CHN2: variants seen among roughly 807,000 people sequenced by gnomAD.
The protein encoded by CHN2 is chimerin 2.
Under a neutral mutation model 56.3 loss-of-function variants are expected in CHN2, and 35 were observed. The ratio of observed to expected loss-of-function variants is 0.62; its 90% CI spans 0.47 to 0.82. CHN2 has a LOEUF of 0.82. CHN2 is among the 40% of genes least tolerant of loss of function. The probability of loss-of-function intolerance (pLI) is 0.00; values close to 1 mark genes in which losing one functional copy is unlikely to be tolerated. For synonymous variants in CHN2, 210 were observed against 212.8 expected (o/e 0.99, Z 0.12); for missense variants, 491 against 580.5 (o/e 0.85, Z 1.58).
At chr7:29,464,353 G>A (rs1466410353) in intron 6 of CHN2, among the ~76,000 whole-genome samples, 1 of 152,126 alleles carries the variant, frequency 6.6e-6, no homozygotes, top group Admixed American at 6.5e-5. Context: ...CCAAGAAAGT[G>A]ATATATGTTG....
At chr7:29,174,621 G>C (rs978710524) in intron 2 of CHN2, among the ~76,000 whole-genome samples, 2 of 152,190 alleles carry the variant, frequency 1.3e-5, no homozygotes, top group East Asian at 3.9e-4. Context: ...AGCACTTTGG[G>C]AGGCCGACTT....
chr7:29,390,630 T>C (rs1585237950), intron 3 of CHN2, among the ~76,000 whole-genome samples: 1 of 152,250 alleles, frequency 6.6e-6, no homozygotes, highest in Non-Finnish European at 1.5e-5. Flanking sequence ...AACTATCCTG[T>C]CGCCTTCACA....
intron 3 of CHN2, among the ~76,000 whole-genome samples, chr7:29,385,613 C>T (rs745981794): frequency 4.6e-5 from 7 of 152,118 alleles, no homozygotes; most frequent in Non-Finnish European, 8.8e-5. Flanking sequence ...GGTTTGACCA[C>T]GTGGCACTGG....
chr7:29,460,911 A>G (rs530636604), intron 6 of CHN2, among the ~76,000 whole-genome samples: 1 of 152,226 alleles, frequency 6.6e-6, no homozygotes, highest in Non-Finnish European at 1.5e-5. Context: ...CAGTTTCCTC[A>G]TCTGTAAGAT....
At chr7:29,374,887 CTCTT>C (rs1347193183) in intron 3 of CHN2, among the ~76,000 whole-genome samples, 34 of 143,598 alleles carry the variant, frequency 2.4e-4, no homozygotes, top group African/African-American at 8.7e-4. Context: ...CTCCCTTTCT[CTCTT>C]TCTTTTTTTT....
At position 29,477,971 on chromosome 7, in the gene CHN2, A is replaced by G. The variant is rs2128538172; in HGVS notation, c.577-2308A>G. 1.3e-5 allele frequency among the ~76,000 whole-genome samples: 2 copies of G among 152,342 alleles called. 1 individual carries two copies. Among genetic ancestry groups the G allele is most frequent in the South Asian group, 4.1e-4 (2 of 4,824 alleles). On this transcript the variant is annotated intron_variant, in intron 6 of 12. Transcript: ENST00000222792. ...AGGGGGAAACAAAAGCAAATTAAGC[A>G]TAGAGCATGTCACAGTGAGTTCTCA...
intron 1 of CHN2, among the ~76,000 whole-genome samples, chr7:29,321,721 C>A (rs1795377230): frequency 6.6e-6 from 1 of 152,046 alleles, no homozygotes; most frequent in Non-Finnish European, 1.5e-5. Context: ...CAGGCATGCA[C>A]CACCATGCCA....
intron 1 of CHN2, among the ~76,000 whole-genome samples, chr7:29,302,112 C>T (rs924907300): frequency 1.3e-5 from 2 of 152,208 alleles, no homozygotes; most frequent in Admixed American, 1.3e-4. Flanking sequence ...TGACCCGTGG[C>T]TGTCTCTCTC....
chr7:29,513,047 C>G lies in CHN2; in HGVS notation c.*312C>G, dbSNP rs1409495676. On this transcript the variant is annotated 3_prime_UTR_variant, in exon 13 of 13. Coordinates refer to ENST00000222792, the MANE Select transcript of CHN2 (RefSeq NM_004067.4). Reference sequence around the variant, plus strand: ...ACAATGTAGACCTTTAAACTTCAGTCTTATTGGTAATAAAAGGGAACTTAA... The same window carrying G: ...ACAATGTAGACCTTTAAACTTCAGTGTTATTGGTAATAAAAGGGAACTTAA... The G allele has an allele frequency of 4.7e-6, 1 of 212,606 alleles. No individual in the cohort carries two copies. The highest frequency in any genetic ancestry group is 9.3e-6 in the Non-Finnish European group (1 of 107,970). The allele number at this position is 212,606 out of a possible 1,614,324, so 13.2% of individuals were successfully genotyped here. A position where few individuals can be genotyped will look rare whatever the true frequency, so the allele number is the denominator to read the frequency against.
chr7:29,410,109 C>T (rs1803060904), intron 6 of CHN2, among the ~76,000 whole-genome samples: 1 of 152,204 alleles, frequency 6.6e-6, no homozygotes, highest in Non-Finnish European at 1.5e-5. Context: ...AGGGATCCCT[C>T]TGGGGTTGTT....
intron 2 of CHN2, among the ~76,000 whole-genome samples, chr7:29,365,092 A>G (rs1473975144): frequency 1.3e-5 from 2 of 152,218 alleles, no homozygotes; most frequent in Non-Finnish European, 2.9e-5. Flanking sequence ...TCCTCATTAC[A>G]GGGGCATGGT....
intron 2 of CHN2, among the ~76,000 whole-genome samples, chr7:29,174,086 G>C (rs868285633): frequency 6.6e-6 from 1 of 152,288 alleles, no homozygotes; most frequent in Middle Eastern, 3.4e-3. Flanking sequence ...ATGGGGAAGA[G>C]GGGGTGCTCT....
intron 1 of CHN2, among the ~76,000 whole-genome samples, chr7:29,217,130 G>A (rs181639370): frequency 1.2e-4 from 18 of 152,242 alleles, no homozygotes; most frequent in Admixed American, 1.2e-3. Flanking sequence ...ACTTTCAGAG[G>A]GATTTGACCA....
chr7:29,332,130 A>G (rs1418705156), intron 1 of CHN2, among the ~76,000 whole-genome samples: 2 of 152,218 alleles, frequency 1.3e-5, no homozygotes, highest in African/African-American at 2.4e-5. Flanking sequence ...GAGAAAATAA[A>G]CAGCCTCATG....
chr7:29,240,636 A>G (rs1787581454), intron 1 of CHN2, among the ~76,000 whole-genome samples: 1 of 152,124 alleles, frequency 6.6e-6, no homozygotes, highest in Non-Finnish European at 1.5e-5. Flanking sequence ...GGAGGAGACA[A>G]ATATGAAAAG....
intron 1 of CHN2, among the ~76,000 whole-genome samples, chr7:29,341,601 G>A (rs1369045656): frequency 6.6e-6 from 1 of 150,710 alleles, no homozygotes; most frequent in East Asian, 2.0e-4. Flanking sequence ...AGGGAGGAGA[G>A]AAGGATGGGA....
chr7:29,162,129 A>G (rs1795254005), intron 2 of CHN2, among the ~76,000 whole-genome samples: 1 of 152,220 alleles, frequency 6.6e-6, no homozygotes, highest in Admixed American at 6.5e-5. Context: ...TAAAAAGTTA[A>G]ACACACATTT....
At position 29,274,138 on chromosome 7, in the gene CHN2, T is replaced by C. The variant is rs375623832; in HGVS notation, c.49+79148T>C. Among the ~76,000 whole-genome samples the C allele has an allele frequency of 4.7e-4, 72 of 152,314 alleles. 2 individuals carry two copies. Among genetic ancestry groups the C allele is most frequent in the Middle Eastern group, 3.4e-3 (1 of 294 alleles). ...GGCATTTGAATAGTGCTTACGAACATTCGGGAAAGCATCCCCGAGACAAGC... is the reference window on the plus strand; with the variant it reads ...GGCATTTGAATAGTGCTTACGAACACTCGGGAAAGCATCCCCGAGACAAGC... On this transcript the variant is annotated intron_variant, in intron 1 of 12. Coordinates refer to ENST00000222792, the MANE Select transcript of CHN2 (RefSeq NM_004067.4).
chr7:29,490,475 C>G (rs1033847532), intron 7 of CHN2, among the ~76,000 whole-genome samples: 2 of 152,166 alleles, frequency 1.3e-5, no homozygotes, highest in African/African-American at 2.4e-5. Context: ...TCTTATTCCT[C>G]TGATCTATTT....
Sources: allele counts gnomAD v4.1 joint callset (sites outside exome capture counted in the v4.1 genomes callset), GRCh38; gene constraint gnomAD v4.1.1; transcripts MANE v1.5; gene names NCBI Gene and HGNC (gene_info 2026-07-23, HGNC 2026-07-21).